Variants in PTPRD observed in about 807,000 individuals in gnomAD.
PTPRD encodes protein tyrosine phosphatase receptor type D, also known as receptor-type tyrosine-protein phosphatase delta.
PTPRD carries 34 observed loss-of-function variants against 214.5 expected under a neutral mutation model. The observed-to-expected ratio is 0.16, with a 90% CI of 0.12 to 0.21. The LOEUF (loss-of-function observed/expected upper bound fraction) is 0.21, where lower values mean the gene tolerates loss of function less well. PTPRD is among the 10% of genes least tolerant of loss of function. PTPRD has a pLI of 1.00. For synonymous variants in PTPRD, 1,128 were observed against 845.7 expected, an observed-to-expected ratio of 1.33 and a Z score of -5.79; for missense variants, 2,545 against 2,398.7, an observed-to-expected ratio of 1.06 and a Z score of -1.27.
At chr9:8,486,382 C>A (rs749323090) in intron 27 of PTPRD, 33 bp from the exon 28 acceptor site, 24 of 1,546,572 alleles carry the variant, frequency 1.6e-5, no homozygotes, top group Admixed American at 3.3e-5. Flanking sequence ...GTAAGACCAA[C>A]CAATCTGAAC....
At chr9:8,431,906 T>A (rs919887098) in intron 35 of PTPRD, among the ~76,000 whole-genome samples, 1 of 152,232 alleles carries the variant, frequency 6.6e-6, no homozygotes, top group African/African-American at 2.4e-5. Context: ...AGGAATGGTA[T>A]CAGCTTCTCT....
chr9:8,466,036 G>A (rs1320751191), intron 31 of PTPRD, among the ~76,000 whole-genome samples: 1 of 151,816 alleles, frequency 6.6e-6, no homozygotes, highest in Non-Finnish European at 1.5e-5. Context: ...TGCCCTGCAG[G>A]AGATTTATTA....
At chr9:9,436,426 A>T (rs72704616) in intron 8 of PTPRD, among the ~76,000 whole-genome samples, 5 of 151,752 alleles carry the variant, frequency 3.3e-5, no homozygotes, top group Admixed American at 6.6e-5. Context: ...TTTAATAAGG[A>T]TTTATAGTTA....
At chr9:9,511,885 GA>G (rs2096718364) in intron 8 of PTPRD, among the ~76,000 whole-genome samples, 1 of 151,646 alleles carries the variant, frequency 6.6e-6, no homozygotes, top group Admixed American at 6.6e-5. Context: ...TTCCCCTAAG[GA>G]TGAGCAAATT....
At chr9:9,646,961 G>A (rs1472526031) in intron 7 of PTPRD, among the ~76,000 whole-genome samples, 2 of 152,258 alleles carry the variant, frequency 1.3e-5, no homozygotes, top group East Asian at 3.9e-4. Flanking sequence ...CTGGGGAGGT[G>A]CAGGGGGCTC....
chr9:9,321,270 T>C (rs1298858265), intron 9 of PTPRD, among the ~76,000 whole-genome samples: 1 of 152,176 alleles, frequency 6.6e-6, no homozygotes, highest in Non-Finnish European at 1.5e-5. Flanking sequence ...AAAGGAGGAC[T>C]CTGGGCTGGG....
chr9:10,247,964 T>C (rs967804533), intron 3 of PTPRD, among the ~76,000 whole-genome samples: 2 of 152,102 alleles, frequency 1.3e-5, no homozygotes, highest in Admixed American at 1.3e-4. Flanking sequence ...GTTTTTCCCA[T>C]GCTGTTCTCA....
intron 2 of PTPRD, among the ~76,000 whole-genome samples, chr9:10,482,309 T>C (rs1224103208): frequency 1.3e-5 from 2 of 151,914 alleles, no homozygotes; most frequent in Non-Finnish European, 2.9e-5. Flanking sequence ...AGGTGGAGCT[T>C]ACAGTGAGCC....
intron 5 of PTPRD, among the ~76,000 whole-genome samples, chr9:9,901,653 A>T (rs2076426571): frequency 6.6e-6 from 1 of 152,130 alleles, no homozygotes. Flanking sequence ...GCTAGTGGTG[A>T]GTTGATTATA....
At chr9:10,341,543 T>C (rs999976804) in intron 2 of PTPRD, among the ~76,000 whole-genome samples, 1 of 152,002 alleles carries the variant, frequency 6.6e-6, no homozygotes, top group Non-Finnish European at 1.5e-5. Context: ...GTCTTCACAC[T>C]TTCAATATTG....
intron 5 of PTPRD, among the ~76,000 whole-genome samples, chr9:9,830,693 G>C (rs2054536100): frequency 6.6e-6 from 1 of 151,718 alleles, no homozygotes; most frequent in Non-Finnish European, 1.5e-5. Context: ...AAATAAATCA[G>C]GACAATATAA....
chr9:10,104,387 AT>A (rs1359733357), intron 3 of PTPRD, among the ~76,000 whole-genome samples: 1 of 151,770 alleles, frequency 6.6e-6, no homozygotes, highest in African/African-American at 2.4e-5. Flanking sequence ...TTCTTTAAAA[AT>A]ATCTGTTGAA....
At chr9:10,124,570 C>T (rs765523934) in intron 3 of PTPRD, among the ~76,000 whole-genome samples, 1 of 152,102 alleles carries the variant, frequency 6.6e-6, no homozygotes, top group African/African-American at 2.4e-5. Context: ...TTCCTTAGAC[C>T]TCTTTCTTAT....
At chr9:9,191,538 T>A (rs2099935175) in intron 9 of PTPRD, among the ~76,000 whole-genome samples, 2 of 152,128 alleles carry the variant, frequency 1.3e-5, no homozygotes, top group African/African-American at 4.8e-5. Context: ...AATGCAGCAA[T>A]AGTTAACTAA....
intron 11 of PTPRD, among the ~76,000 whole-genome samples, chr9:8,738,386 T>TAGA (rs2154442295): frequency 1.3e-5 from 2 of 152,210 alleles, no homozygotes; most frequent in African/African-American, 4.8e-5. Flanking sequence ...TTCTATACTG[T>TAGA]TATTTGTGTC....
chr9:9,649,027 C>T (rs1357773108), intron 7 of PTPRD, among the ~76,000 whole-genome samples: 1 of 152,070 alleles, frequency 6.6e-6, no homozygotes, highest in African/African-American at 2.4e-5. Context: ...TGTGTTGAGG[C>T]CTCAGTTTCC....
At chr9:8,995,084 G>C (rs1431908196) in intron 11 of PTPRD, among the ~76,000 whole-genome samples, 3 of 152,040 alleles carry the variant, frequency 2.0e-5, no homozygotes, top group African/African-American at 7.2e-5. Flanking sequence ...AGAATGGAAT[G>C]AGAGAAGCTC....
At chr9:8,985,934 T>C (rs1416302757) in intron 11 of PTPRD, among the ~76,000 whole-genome samples, 1 of 152,100 alleles carries the variant, frequency 6.6e-6, no homozygotes, top group Admixed American at 6.6e-5. Context: ...AGCTAAAATA[T>C]ACATTTTTGC....
At chr9:9,626,928 A>C (rs2095441067) in intron 7 of PTPRD, among the ~76,000 whole-genome samples, 1 of 152,238 alleles carries the variant, frequency 6.6e-6, no homozygotes, top group East Asian at 1.9e-4. Flanking sequence ...ACAAACTGTC[A>C]ACATGAAGTA....
Sources: allele counts gnomAD v4.1 joint callset (sites outside exome capture counted in the v4.1 genomes callset), GRCh38; gene constraint gnomAD v4.1.1; transcripts MANE v1.5; gene names NCBI Gene and HGNC (gene_info 2026-07-23, HGNC 2026-07-21).